The following FNDC3B variants were observed in gnomAD, a reference collection of about 807,000 sequenced individuals.
FNDC3B encodes fibronectin type III domain-containing protein 3B.
FNDC3B carries 12 observed loss-of-function variants against 151.5 expected under a neutral mutation model. The ratio of observed to expected loss-of-function variants is 0.08; its 90% CI spans 0.05 to 0.13. The LOEUF (loss-of-function observed/expected upper bound fraction) is 0.13. FNDC3B is among the 10% of genes least tolerant of loss of function. The probability of loss-of-function intolerance (pLI) is 1.00; values close to 1 mark genes in which losing one functional copy is unlikely to be tolerated. For synonymous variants in FNDC3B, 528 were observed against 549.0 expected (o/e 0.96, Z 0.54); for missense variants, 1,214 against 1,505.3 (o/e 0.81, Z 3.20).
At chr3:172,106,431 A>G (rs1057105200) in intron 1 of FNDC3B, among the ~76,000 whole-genome samples, 69 of 152,316 alleles carry the variant, frequency 4.5e-4, no homozygotes, top group Middle Eastern at 6.8e-3. Flanking sequence ...AATTCCTCTC[A>G]TCCAGGCTGG....
At position 172,355,515 on chromosome 3, in the gene FNDC3B, TA is replaced by T. The variant is rs577631320; in HGVS notation, c.2795+2433del. Among the ~76,000 whole-genome samples, 150 of 121,042 alleles carry T rather than the reference TA, an allele frequency of 1.2e-3. 2 individuals carry two copies. The Middle Eastern group carries it at 0.02, about 16-fold the overall frequency. 79.4% of individuals were successfully genotyped at this position (121,042 alleles called of 152,430 possible). A position where few individuals can be genotyped will look rare whatever the true frequency, so the allele number is the denominator to read the frequency against. ...CCCAAACCTACTTAATTAGAAAATCTAGGGGGGGGGCCTAGCACTTGGTGCT... is the reference window on the plus strand; with the variant it reads ...CCCAAACCTACTTAATTAGAAAATCTGGGGGGGGGCCTAGCACTTGGTGCT... On this transcript the variant is annotated intron_variant, in intron 22 of 25. Coordinates refer to ENST00000415807, the MANE Select transcript of FNDC3B (RefSeq NM_022763.4).
chr3:172,340,166 GC>G (rs1287348873), intron 16 of FNDC3B, among the ~76,000 whole-genome samples: 1 of 152,174 alleles, frequency 6.6e-6, no homozygotes, highest in African/African-American at 2.4e-5. Flanking sequence ...GACGGCATCA[GC>G]CTTGGGGGGC....
At chr3:172,291,184 T>C (rs961550672) in intron 7 of FNDC3B, among the ~76,000 whole-genome samples, 3 of 152,226 alleles carry the variant, frequency 2.0e-5, no homozygotes, top group African/African-American at 7.2e-5. Flanking sequence ...ATCAAATAGC[T>C]ACAGGACAAT....
At chr3:172,048,397 C>T (rs1025228329) in intron 1 of FNDC3B, among the ~76,000 whole-genome samples, 1 of 151,698 alleles carries the variant, frequency 6.6e-6, no homozygotes, top group African/African-American at 2.4e-5. Context: ...TTTTTTTAAT[C>T]TCAAGAAAAA....
At chr3:172,366,510 A>T (rs538150966) in intron 23 of FNDC3B, among the ~76,000 whole-genome samples, 1 of 152,334 alleles carries the variant, frequency 6.6e-6, no homozygotes, top group Admixed American at 6.5e-5. Flanking sequence ...GATAAGTTGA[A>T]TTGATTTCAA....
At chr3:172,134,812 C>A (rs989669492) in intron 3 of FNDC3B, among the ~76,000 whole-genome samples, 2 of 151,992 alleles carry the variant, frequency 1.3e-5, no homozygotes, top group East Asian at 1.9e-4. Flanking sequence ...AATTCTAAAT[C>A]ATTTAAAATC....
chr3:172,127,125 C>A, intron 2 of FNDC3B: 1 of 454,412 alleles, frequency 2.2e-6, no homozygotes, highest in East Asian at 7.0e-5. Context: ...AAAAATTTTT[C>A]TTGAGACTGT....
intron 5 of FNDC3B, among the ~76,000 whole-genome samples, chr3:172,248,756 C>A (rs990377613): frequency 1.2e-4 from 17 of 147,412 alleles, no homozygotes; most frequent in African/African-American, 3.7e-4. Context: ...TAATTATTCC[C>A]TGTTCATCTC....
rs79765434 is a variant in FNDC3B, at chr3:172,153,119, G to A, written c.187+19573G>A. Reference sequence around the variant, plus strand: ...TGGGGTGTGCAGAATTTCCTCTGTCGGGCTTGGGAGCCAGAAAGCCACGAT... The same window carrying A: ...TGGGGTGTGCAGAATTTCCTCTGTCAGGCTTGGGAGCCAGAAAGCCACGAT... On this transcript the variant is annotated intron_variant, in intron 3 of 25. Transcript: ENST00000415807. Among the ~76,000 whole-genome samples, 260 of 152,216 alleles carry A rather than the reference G, an allele frequency of 1.7e-3. 1 individual carries two copies. Among genetic ancestry groups the A allele is most frequent in the African/African-American group, 5.9e-3 (246 of 41,536 alleles).
At chr3:172,211,473 T>G (rs1576801898) in intron 3 of FNDC3B, among the ~76,000 whole-genome samples, 1 of 152,294 alleles carries the variant, frequency 6.6e-6, no homozygotes, top group African/African-American at 2.4e-5. Flanking sequence ...AAATATAATG[T>G]TTTTAGAACC....
intron 1 of FNDC3B, among the ~76,000 whole-genome samples, chr3:172,055,567 A>T (rs1269771769): frequency 6.6e-6 from 1 of 152,060 alleles, no homozygotes. Flanking sequence ...AAAAAAGAGA[A>T]CAGAGGATTC....
chr3:172,194,061 A>C (rs1576785548), intron 3 of FNDC3B, among the ~76,000 whole-genome samples: 2 of 152,148 alleles, frequency 1.3e-5, no homozygotes, highest in East Asian at 3.9e-4. Flanking sequence ...TCTACTAAAA[A>C]TACAAAAAAT....
At chr3:172,385,929 C>T (rs1476922320) in intron 25 of FNDC3B, among the ~76,000 whole-genome samples, 1 of 152,172 alleles carries the variant, frequency 6.6e-6, no homozygotes, top group Non-Finnish European at 1.5e-5. Flanking sequence ...TTGTTTGAAG[C>T]ATCAACTCTA....
intron 4 of FNDC3B, among the ~76,000 whole-genome samples, chr3:172,246,206 A>G (rs1286137460): frequency 4.0e-5 from 6 of 151,850 alleles, no homozygotes; most frequent in Admixed American, 3.3e-4. Flanking sequence ...TTTTTGTAAA[A>G]CAAAACTTCC....
intron 3 of FNDC3B, among the ~76,000 whole-genome samples, chr3:172,223,797 A>T (rs1054533742): frequency 7.9e-5 from 12 of 152,270 alleles, no homozygotes; most frequent in African/African-American, 2.7e-4. Context: ...AAAAAAATTT[A>T]AAAAGCAACC....
intron 3 of FNDC3B, among the ~76,000 whole-genome samples, chr3:172,215,279 C>A (rs12629746): frequency 0.41 from 62,169 of 152,140 alleles, 13,708 homozygotes; most frequent in Middle Eastern, 0.5. Context: ...TCTGTCCCCA[C>A]TGGGAGAAGA....
At chr3:172,309,129 G>C (rs927929051) in intron 10 of FNDC3B, among the ~76,000 whole-genome samples, 1 of 152,164 alleles carries the variant, frequency 6.6e-6, no homozygotes, top group African/African-American at 2.4e-5. Flanking sequence ...GTTCCATTCA[G>C]TCATGTACAA....
At chr3:172,257,372 T>C (rs1436893538) in intron 6 of FNDC3B, among the ~76,000 whole-genome samples, 1 of 152,180 alleles carries the variant, frequency 6.6e-6, no homozygotes, top group African/African-American at 2.4e-5. Context: ...ATAATCGGCG[T>C]TCTGGACTGT....
chr3:172,270,707 T>C (rs1174115116), intron 6 of FNDC3B, among the ~76,000 whole-genome samples: 2 of 152,218 alleles, frequency 1.3e-5, no homozygotes, highest in Admixed American at 6.5e-5. Flanking sequence ...CACCCTTGAC[T>C]ATATTGGAAA....
Sources: allele counts gnomAD v4.1 joint callset (sites outside exome capture counted in the v4.1 genomes callset), GRCh38; gene constraint gnomAD v4.1.1; transcripts MANE v1.5; gene names NCBI Gene and HGNC (gene_info 2026-07-23, HGNC 2026-07-21).